MCF2: variants seen among roughly 807,000 people sequenced by gnomAD.
The protein encoded by MCF2 is proto-oncogene DBL.
MCF2 carries 44 observed loss-of-function variants against 82.5 expected under a neutral mutation model. The observed-to-expected ratio is 0.53, with a 90% CI of 0.42 to 0.69. The LOEUF is 0.69. Among genes scored for constraint, MCF2 ranks in the 30% least tolerant of loss-of-function variants. The probability of loss-of-function intolerance (pLI) is 0.00; values close to 1 mark genes in which losing one functional copy is unlikely to be tolerated. For synonymous variants in MCF2, 217 were observed against 224.9 expected, an observed-to-expected ratio of 0.96 and a Z score of 0.32; for missense variants, 623 against 663.1, an observed-to-expected ratio of 0.94 and a Z score of 0.66.
intron 9 of MCF2, 76 bp downstream of exon 12, chrX:139,616,206 G>T: frequency 1.6e-6 from 1 of 612,800 alleles, no homozygotes; most frequent in Non-Finnish European, 2.3e-6. Flanking sequence ...CTGTGAGGTA[G>T]TAAAACTCCT....
intron 1 of MCF2, among the ~76,000 whole-genome samples, chrX:139,664,545 C>T (rs764204796): frequency 1.0e-3 from 111 of 111,436 alleles, no homozygotes; most frequent in Middle Eastern, 4.6e-3. Flanking sequence ...TGTTGCCATG[C>T]CTGGGAATCA....
intron 1 of MCF2, among the ~76,000 whole-genome samples, chrX:139,693,448 T>C (rs1403689940): frequency 2.8e-5 from 3 of 105,361 alleles, no homozygotes; most frequent in Admixed American, 2.1e-4. Flanking sequence ...AAAGTGGGGA[T>C]AGGCAAGTGC....
chrX:139,591,242 A>AT (rs1929492665), intron 19 of MCF2, among the ~76,000 whole-genome samples: 1 of 111,024 alleles, frequency 9.0e-6, no homozygotes. Flanking sequence ...AAGAACACCT[A>AT]TTTCATAGGG....
intron 1 of MCF2, among the ~76,000 whole-genome samples, chrX:139,656,003 C>T (rs139125461): frequency 0.014 from 1,571 of 112,405 alleles, 23 homozygotes; most frequent in African/African-American, 0.048. Flanking sequence ...GTGGTCATTA[C>T]TCCCACTTTA....
chrX:139,581,987 T>C (rs1442103939), exon 25 of MCF2: 9 of 125,405 alleles, frequency 7.2e-5, no homozygotes, highest in African/African-American at 2.6e-4. Flanking sequence ...AATTTACTCA[T>C]GCCCCGAAAA....
In MCF2 at chrX:139,632,320, A is replaced by G. The variant is rs1932967731; in HGVS notation, c.171+15T>C. The G allele has an allele frequency of 1.7e-6, 2 of 1,170,802 alleles. No homozygotes were observed. The highest frequency in any genetic ancestry group is 3.5e-5 in the African/African-American group (2 of 56,584). On this transcript the variant is annotated intron_variant, in intron 2 of 24. Coordinates refer to ENST00000370576, the Ensembl canonical transcript of MCF2. Reference sequence around the variant, plus strand: ...AGAATTAGAGGAACAAAACATTTAAATAATATACTCTTACTGGTAATTTAA... The same window carrying G: ...AGAATTAGAGGAACAAAACATTTAAGTAATATACTCTTACTGGTAATTTAA...
At chrX:139,607,561 C>T (rs1313049629) in intron 12 of MCF2, 130 bp downstream of exon 16, 1 of 387,289 alleles carries the variant, frequency 2.6e-6, no homozygotes, top group Non-Finnish European at 4.3e-6. Context: ...AGGCCTAAAT[C>T]CTGGACTTCT....
At chrX:139,583,965 T>C (rs1466104256) in intron 24 of MCF2, among the ~76,000 whole-genome samples, 3 of 110,733 alleles carry the variant, frequency 2.7e-5, no homozygotes, top group African/African-American at 9.8e-5. Context: ...TTTTTCATAC[T>C]AATACTGTGA....
At chrX:139,650,225 A>T (rs1329810679) in intron 2 of MCF2, among the ~76,000 whole-genome samples, 2 of 111,120 alleles carry the variant, frequency 1.8e-5, no homozygotes, top group East Asian at 2.8e-4. Context: ...GTGGTGGCAC[A>T]CTCCTATAGT....
chrX:139,699,645 T>G (rs1353548721), intron 1 of MCF2, among the ~76,000 whole-genome samples: 1 of 112,491 alleles, frequency 8.9e-6, no homozygotes, highest in Non-Finnish European at 1.9e-5. Context: ...TAGCATGTTC[T>G]CCAGGTTAAA....
chrX:139,700,434 A>T (rs1326179922), intron 1 of MCF2, among the ~76,000 whole-genome samples: 2 of 112,123 alleles, frequency 1.8e-5, no homozygotes, highest in African/African-American at 6.5e-5. Flanking sequence ...AATATTGGGA[A>T]GAAGAAGATA....
At chrX:139,673,170 A>G (rs1041917421) in intron 1 of MCF2, among the ~76,000 whole-genome samples, 19 of 111,246 alleles carry the variant, frequency 1.7e-4, no homozygotes, top group South Asian at 7.6e-4. Flanking sequence ...TATCCCCCTT[A>G]TCATTTTTTA....
intron 19 of MCF2, among the ~76,000 whole-genome samples, chrX:139,590,775 G>A (rs1929447698): frequency 9.1e-6 from 1 of 110,039 alleles, no homozygotes; most frequent in South Asian, 3.9e-4. Flanking sequence ...TTCTAGTTAT[G>A]AGCCCCCCAA....
At chrX:139,645,574 T>A (rs1220144203), upstream of MCF2, 1 of 1,176,353 alleles carries the variant, frequency 8.5e-7, no homozygotes, top group African/African-American at 1.8e-5. Flanking sequence ...TTACCGAGAT[T>A]TTTTGGAGAG....
chrX:139,701,182 C>G lies in MCF2; in HGVS notation c.-45+6924G>C, dbSNP rs762813676. ...ATACCTCCTCTTGGTCACCCTAAAG[C>G]AATGATTTCCAGTTGGCAATCTTCT... On this transcript the variant is annotated intron_variant, in intron 1 of 27. Transcript: ENST00000414978. Among the ~76,000 whole-genome samples, 119 of 111,686 alleles carry G rather than the reference C, an allele frequency of 1.1e-3. 1 individual carries two copies. The highest frequency in any genetic ancestry group is 2.3e-3 in the Admixed American group (24 of 10,526).
At chrX:139,685,817 T>G (rs917937957) in intron 1 of MCF2, among the ~76,000 whole-genome samples, 35 of 111,018 alleles carry the variant, frequency 3.2e-4, no homozygotes, top group African/African-American at 1.1e-3. Flanking sequence ...TTCTAAAACT[T>G]CAGGGCAATA....
intron 1 of MCF2, among the ~76,000 whole-genome samples, chrX:139,694,571 G>A (rs1273846358): frequency 7.2e-5 from 8 of 111,574 alleles, no homozygotes; most frequent in Admixed American, 1.9e-4. Context: ...AATTATTTTT[G>A]ACCATGGTGC....
In MCF2 at chrX:139,638,230, G is replaced by A. The variant is rs116450174; in HGVS notation, c.51+4238C>T. Among the ~76,000 whole-genome samples, 1,061 of 111,452 alleles carry A rather than the reference G, an allele frequency of 9.5e-3. 14 individuals carry two copies. The highest frequency in any genetic ancestry group is 0.033 in the African/African-American group (1,015 of 30,672). ...ACATAAGTAGCAGAATTAAAACCCCGCTTCACCTGCCTGTTGAACTAGACT... is the reference window on the plus strand; with the variant it reads ...ACATAAGTAGCAGAATTAAAACCCCACTTCACCTGCCTGTTGAACTAGACT... On this transcript the variant is annotated intron_variant, in intron 1 of 24. Transcript: ENST00000370576.
At chrX:139,599,733 C>G (rs892117783) in intron 16 of MCF2, among the ~76,000 whole-genome samples, 6 of 111,726 alleles carry the variant, frequency 5.4e-5, no homozygotes, top group African/African-American at 1.9e-4. Flanking sequence ...GGTGCAGTAA[C>G]TTTGGAAAAG....
Sources: gnomAD v4.1 joint callset for allele counts (sites outside exome capture counted in the v4.1 genomes callset) on GRCh38, gnomAD v4.1.1 for gene constraint, MANE v1.5 for transcripts, NCBI Gene and HGNC (gene_info 2026-07-23, HGNC 2026-07-21) for gene names.